XPC: variants seen among roughly 807,000 people sequenced by gnomAD.
XPC encodes the protein XPC complex subunit, DNA damage recognition and repair factor.
Under a neutral mutation model 95.8 loss-of-function variants are expected in XPC, and 76 were observed. The ratio of observed to expected loss-of-function variants is 0.79; its 90% CI spans 0.66 to 0.96. The LOEUF (loss-of-function observed/expected upper bound fraction) is 0.96, where lower values mean the gene tolerates loss of function less well. Among genes scored for constraint, XPC ranks in the 40% least tolerant of loss-of-function variants. The probability of loss-of-function intolerance (pLI) is 0.00; values close to 1 mark genes in which losing one functional copy is unlikely to be tolerated. For synonymous variants in XPC, 442 were observed against 442.1 expected, an observed-to-expected ratio of 1.00 and a Z score of 0.00; for missense variants, 1,146 against 1,179.8, an observed-to-expected ratio of 0.97 and a Z score of 0.42.
intron 1 of XPC, among the ~76,000 whole-genome samples, chr3:14,176,390 T>C (rs940946759): frequency 6.6e-6 from 1 of 152,210 alleles, no homozygotes; most frequent in Non-Finnish European, 1.5e-5. Context: ...CCAGTCAAAC[T>C]TGATTAATCC....
chr3:14,172,036 C>T (rs1278109213), intron 2 of XPC, among the ~76,000 whole-genome samples: 5 of 152,076 alleles, frequency 3.3e-5, no homozygotes, highest in Non-Finnish European at 7.4e-5. Context: ...AAAAACTATC[C>T]CTCTGTTCTT....
At chr3:14,157,609 A>G (rs1260088336) in intron 9 of XPC, among the ~76,000 whole-genome samples, 1 of 152,098 alleles carries the variant, frequency 6.6e-6, no homozygotes, top group Non-Finnish European at 1.5e-5. Context: ...TGTTCTATGT[A>G]TGAGGGGTGT....
chr3:14,151,377 T>C (rs1486252237), intron 11 of XPC: 1 of 152,262 alleles, frequency 6.6e-6, no homozygotes, highest in Non-Finnish European at 1.5e-5. Context: ...CTAAAAAATT[T>C]AAATGTGTGG....
At position 14,156,393 on chromosome 3, in the gene XPC, T is replaced by C. The variant is rs774578624; in HGVS notation, c.1975A>G (p.Ile659Val). The C allele has an allele frequency of 2.4e-5, 39 of 1,614,006 alleles. No homozygotes were observed. The highest frequency in any genetic ancestry group is 1.4e-5 in the Non-Finnish European group (17 of 1,179,876). The change falls in exon 10 of 16, where the codon ATC (isoleucine) becomes GTC (valine). Residue 659 changes from isoleucine (I) to valine (V), a missense_variant. Coordinates refer to ENST00000285021, the MANE Select transcript of XPC (RefSeq NM_004628.5). ...AGGATGGCAGCTGTCTCGGGATAGATGGCCTCATATTTCAGGAGATGCCGC... is the reference window on the plus strand; with the variant it reads ...AGGATGGCAGCTGTCTCGGGATAGACGGCCTCATATTTCAGGAGATGCCGC... ...LKRHLLKYEA[I>V]YPETAAILGY...
chr3:14,168,729 C>A (rs1696493835), intron 3 of XPC, among the ~76,000 whole-genome samples: 3 of 151,192 alleles, frequency 2.0e-5, no homozygotes, highest in Admixed American at 2.0e-4. Context: ...AAAAAAAAAA[C>A]CCAAGTGAGA....
Position 14,178,534 on chromosome 3 carries a change from C to T in XPC, c.35G>A (p.Arg12Gln). The change falls in exon 1 of 16, where the codon CGG becomes CAG. Residue 12 changes from arginine (R) to glutamine (Q), a missense_variant. Coordinates refer to ENST00000285021, the MANE Select transcript of XPC (RefSeq NM_004628.5). ...TTTCTGGCTGCGCAGTTCGCGTCCC[C>T]GCGGCTCCCCGCCGGCCGCGCGTTT... ...ARKRAAGGEP[R>Q]GRELRSQKSK... 3.1e-6 allele frequency: 5 copies of T among 1,612,980 alleles called. No individual in the cohort carries two copies. The highest frequency in any genetic ancestry group is 4.2e-6 in the Non-Finnish European group (5 of 1,179,616).
At position 14,158,355 on chromosome 3, in the gene XPC, C is replaced by T. The variant is rs1251819996; in HGVS notation, c.1528G>A (p.Gly510Ser). 6.2e-7 allele frequency: 1 copy of T among 1,613,812 alleles called. No homozygotes were observed. The change falls in exon 9 of 16, where the codon GGC (glycine) becomes AGC (serine). Residue 510 changes from glycine to serine, a missense_variant. Physicochemically the swap from Gly to Ser is moderately conservative, Grantham distance 56. Coordinates refer to ENST00000285021, the MANE Select transcript of XPC (RefSeq NM_004628.5). The surrounding 1 kb of genome is among the most constrained non-coding windows in gnomAD (Gnocchi z 5.2). Reference protein sequence around the residue: ...ASSSSSSSKRGKKMCSDGEKA... With the variant: ...ASSSSSSSKRSKKMCSDGEKA... Reference sequence around the variant, plus strand: ...TCACCATCGCTGCACATTTTCTTGCCTCTTTTACTGCTTGAAGAGCTTGAG... The same window carrying T: ...TCACCATCGCTGCACATTTTCTTGCTTCTTTTACTGCTTGAAGAGCTTGAG...
intron 11 of XPC, chr3:14,149,779 GTTA>G (rs1695612799): frequency 6.6e-6 from 1 of 152,152 alleles, no homozygotes; most frequent in African/African-American, 2.4e-5. Context: ...TGCTTTATAT[GTTA>G]TTATTTAATT....
At chr3:14,146,328 G>A (rs1345012813) in intron 15 of XPC, among the ~76,000 whole-genome samples, 169 bp from the exon 16 acceptor site, 6 of 151,944 alleles carry the variant, frequency 3.9e-5, no homozygotes, top group East Asian at 3.9e-4. Context: ...TTACTGAGCC[G>A]TCCCAGCCTG....
rs1054902446 is a variant in XPC, at chr3:14,156,562, G to A, written c.1873-67C>T. 3 of 1,606,134 alleles carry A rather than the reference G, an allele frequency of 1.9e-6. No homozygotes were observed. In the African/African-American group the frequency reaches 4.0e-5, roughly 21 times the overall value. On this transcript the variant is annotated intron_variant, in intron 9 of 15. Transcript: ENST00000285021. The stretch of plus-strand genomic sequence containing the variant: ...AGAGGAAATGAAGTTTGAGGGAGAT[G>A]ATCCTTAGACTAACTTGTTCTGACA...
At position 14,166,671 on chromosome 3, in the gene XPC, G is replaced by A. The variant is rs1021333490; in HGVS notation, c.621+498C>T. Among the ~76,000 whole-genome samples, 19 of 152,212 alleles carry A rather than the reference G, an allele frequency of 1.2e-4. 1 individual carries two copies. The highest frequency in any genetic ancestry group is 6.8e-3 in the Middle Eastern group (2 of 294). Reference sequence around the variant, plus strand: ...GCCTTCCCCAGCTCCACAGAGCCACGCTGATCTCTTTCACTGTTCCAGGCA... The same window carrying A: ...GCCTTCCCCAGCTCCACAGAGCCACACTGATCTCTTTCACTGTTCCAGGCA... On this transcript the variant is annotated intron_variant, in intron 5 of 15. Transcript: ENST00000285021.
intron 11 of XPC, among the ~76,000 whole-genome samples, chr3:14,150,929 G>A (rs1389827075): frequency 3.3e-5 from 5 of 152,148 alleles, no homozygotes; most frequent in East Asian, 1.9e-4. Context: ...GGGAGGGTGC[G>A]GGACTCAGAC....
chr3:14,148,527 C>T lies in XPC; in HGVS notation c.2420+35G>A, dbSNP rs373971774. On this transcript the variant is annotated intron_variant, in intron 13 of 15. Transcript: ENST00000285021. The stretch of plus-strand genomic sequence containing the variant: ...TCTCTGGAGCCACCCCTCCCCATCC[C>T]TGTGTTTAGCCTCCATCGAAGGCCC... The T allele has an allele frequency of 6.8e-6, 11 of 1,609,434 alleles. No individual in the cohort carries two copies. In the African/African-American group the frequency reaches 1.5e-4, roughly 22 times the overall value.
intron 9 of XPC, among the ~76,000 whole-genome samples, chr3:14,156,986 G>C (rs927542034): frequency 2.6e-5 from 4 of 152,186 alleles, no homozygotes; most frequent in African/African-American, 7.2e-5. Flanking sequence ...TTTCTCAGTA[G>C]GCAATTCACT....
intron 1 of XPC, among the ~76,000 whole-genome samples, chr3:14,175,721 A>G (rs1293853074): frequency 6.6e-6 from 1 of 152,222 alleles, no homozygotes; most frequent in Non-Finnish European, 1.5e-5. Context: ...AAAAGCAGCC[A>G]AGTATCACCT....
intron 13 of XPC, 89 bp from the exon 14 acceptor site, chr3:14,148,090 C>T: frequency 9.0e-7 from 1 of 1,111,908 alleles, no homozygotes; most frequent in Non-Finnish European, 1.3e-6. Flanking sequence ...CAGTGGGCCA[C>T]ATCTGAGCAC....
intron 2 of XPC, among the ~76,000 whole-genome samples, chr3:14,171,182 T>C (rs1191443088): frequency 1.3e-5 from 2 of 152,232 alleles, no homozygotes; most frequent in African/African-American, 4.8e-5. Context: ...CAAATTCATA[T>C]ATAAAATGTG....
chr3:14,165,553 G>C lies in XPC; in HGVS notation c.654C>G (p.Phe218Leu), dbSNP rs1696344398. ...VHLLCLLANG[F>L]YRNNICSQPD... is the part of the protein sequence containing the mutation. ...GCTGGCTGCAGATGTTATTTCGATAGAAGCCATTTGCTAGCAGGCAGAGAA... is the reference window on the plus strand; with the variant it reads ...GCTGGCTGCAGATGTTATTTCGATACAAGCCATTTGCTAGCAGGCAGAGAA... The change falls in exon 6 of 16, where the codon TTC (phenylalanine) becomes TTG (leucine). Residue 218 changes from phenylalanine (F) to leucine (L), a missense_variant. By Grantham distance (22) the Phe-to-Leu change is conservative. Coordinates refer to ENST00000285021, the MANE Select transcript of XPC (RefSeq NM_004628.5). 1 of 1,613,114 alleles carries C rather than the reference G, an allele frequency of 6.2e-7. No homozygotes were observed.
intron 5 of XPC, chr3:14,166,052 G>A (rs1199930220): frequency 1.9e-5 from 3 of 161,754 alleles, no homozygotes; most frequent in African/African-American, 7.2e-5. Flanking sequence ...CTGGGTGTTT[G>A]AGCCCAACCT....
Sources: gnomAD v4.1 joint callset for allele counts (sites outside exome capture counted in the v4.1 genomes callset) on GRCh38, gnomAD v4.1.1 for gene constraint, Gnocchi (gnomAD v3.1) non-coding constraint, MANE v1.5 for transcripts, NCBI Gene and HGNC (gene_info 2026-07-23, HGNC 2026-07-21) for gene names.